RANBP2: variants seen among roughly 807,000 people sequenced by gnomAD.
The protein encoded by RANBP2 is E3 SUMO-protein ligase RanBP2.
Under a neutral mutation model 303.6 loss-of-function variants are expected in RANBP2, and 57 were observed. That is an observed-to-expected ratio of 0.19 (90% CI 0.15 to 0.23). RANBP2 has a LOEUF of 0.23. Among genes scored for constraint, RANBP2 ranks in the 10% least tolerant of loss-of-function variants. The probability of loss-of-function intolerance (pLI) is 1.00; values close to 1 mark genes in which losing one functional copy is unlikely to be tolerated. For missense variants in RANBP2, 3,138 were observed against 3,780.8 expected, an observed-to-expected ratio of 0.83 and a Z score of 4.46; for synonymous variants, 1,167 against 1,301.5, an observed-to-expected ratio of 0.90 and a Z score of 2.23.
the RANBP2 span, among the ~76,000 whole-genome samples, chr2:109,609,504 G>T: frequency 6.6e-6 from 1 of 151,890 alleles, no homozygotes; most frequent in East Asian, 1.9e-4. Flanking sequence ...GCTGCCAGGG[G>T]CTGGGGTTCT....
the RANBP2 span, among the ~76,000 whole-genome samples, chr2:109,548,170 C>T: frequency 8.5e-6 from 1 of 117,476 alleles, no homozygotes; most frequent in Non-Finnish European, 1.7e-5. Context: ...TTAATTGTGG[C>T]TTACCTCAAA....
chr2:109,166,523 C>T, the RANBP2 span, among the ~76,000 whole-genome samples: 2 of 150,886 alleles, frequency 1.3e-5, no homozygotes, highest in East Asian at 2.0e-4. Flanking sequence ...GGTAGTGTTA[C>T]AGCTCTCTCT....
the RANBP2 span, among the ~76,000 whole-genome samples, chr2:109,154,306 T>C: frequency 6.6e-6 from 1 of 152,130 alleles, no homozygotes; most frequent in African/African-American, 2.4e-5. Flanking sequence ...AGCCCCTGTT[T>C]CCCAGCTTGG....
At chr2:109,553,282 C>T in the RANBP2 span, 177 of 1,564,310 alleles carry the variant, frequency 1.1e-4, no homozygotes, top group African/African-American at 1.7e-3. Flanking sequence ...TGGCGGCTCA[C>T]GCCTGTAATC....
the RANBP2 span, among the ~76,000 whole-genome samples, chr2:109,033,096 C>G: frequency 6.6e-6 from 1 of 152,174 alleles, no homozygotes; most frequent in East Asian, 1.9e-4. Context: ...CTTGAGTGGA[C>G]AGAGACCTTT....
the RANBP2 span, among the ~76,000 whole-genome samples, chr2:109,694,115 A>G: frequency 1.3e-5 from 2 of 152,072 alleles, no homozygotes; most frequent in African/African-American, 4.8e-5. Flanking sequence ...GTAATCCCCA[A>G]TGTTGGAGGT....
chr2:108,915,620 C>G, the RANBP2 span, among the ~76,000 whole-genome samples: 143 of 152,140 alleles, frequency 9.4e-4, 2 homozygotes, highest in South Asian at 1.0e-2. Context: ...AAAGAGCTGC[C>G]CAGGCACGGT....
the RANBP2 span, among the ~76,000 whole-genome samples, chr2:109,031,835 T>C: frequency 6.6e-6 from 1 of 152,176 alleles, no homozygotes; most frequent in Non-Finnish European, 1.5e-5. Flanking sequence ...AAGTATTTTC[T>C]TCAGCAACTA....
chr2:109,543,830 A>G, the RANBP2 span: 13,477 of 254,422 alleles, frequency 0.053, 1,006 homozygotes, highest in East Asian at 0.22. Context: ...CCAAAATGCT[A>G]GGGACCAGAA....
chr2:109,386,608 T>G, the RANBP2 span, among the ~76,000 whole-genome samples: 1 of 152,158 alleles, frequency 6.6e-6, no homozygotes, highest in Non-Finnish European at 1.5e-5. Flanking sequence ...CCCTTCTGTT[T>G]GGGCCCGGCT....
At chr2:108,843,455 GC>G in the RANBP2 span, among the ~76,000 whole-genome samples, 1 of 152,218 alleles carries the variant, frequency 6.6e-6, no homozygotes, top group South Asian at 2.1e-4. Flanking sequence ...ACCGCACCTG[GC>G]CTAGAGTAGG....
At chr2:109,645,537 T>C in the RANBP2 span, among the ~76,000 whole-genome samples, 1 of 152,180 alleles carries the variant, frequency 6.6e-6, no homozygotes, top group Non-Finnish European at 1.5e-5. Context: ...GGAGATGTGC[T>C]AAACAAACCA....
At chr2:109,075,207 G>A in the RANBP2 span, among the ~76,000 whole-genome samples, 11 of 149,786 alleles carry the variant, frequency 7.3e-5, 1 homozygote, top group East Asian at 1.9e-4. Context: ...GAAAAACCCC[G>A]CAAAATCAGA....
the RANBP2 span, among the ~76,000 whole-genome samples, chr2:108,830,561 C>G: frequency 1.9e-4 from 29 of 151,960 alleles, no homozygotes; most frequent in Non-Finnish European, 4.0e-4. Context: ...AATCCCAGCA[C>G]TTTGGGAGGC....
the RANBP2 span, among the ~76,000 whole-genome samples, chr2:109,323,988 T>C: frequency 1.3e-5 from 2 of 152,206 alleles, no homozygotes; most frequent in African/African-American, 4.8e-5. Context: ...CCCCAGCCCC[T>C]GGAAAACACT....
chr2:109,320,779 C>T, the RANBP2 span, among the ~76,000 whole-genome samples: 22 of 152,168 alleles, frequency 1.4e-4, no homozygotes, highest in African/African-American at 4.6e-4. Context: ...AAATAAAACT[C>T]GAGGCACATT....
At chr2:109,634,076 C>T in the RANBP2 span, among the ~76,000 whole-genome samples, 110 of 135,416 alleles carry the variant, frequency 8.1e-4, no homozygotes, top group African/African-American at 2.5e-3. Flanking sequence ...GCCGAGGTCG[C>T]GCCACTGCAC....
the RANBP2 span, among the ~76,000 whole-genome samples, chr2:109,266,379 G>A: frequency 6.6e-6 from 1 of 152,068 alleles, no homozygotes; most frequent in Non-Finnish European, 1.5e-5. Flanking sequence ...TCTGACAAGA[G>A]GCTGCCCCAA....
At chr2:109,529,603 T>C in the RANBP2 span, among the ~76,000 whole-genome samples, 2 of 152,344 alleles carry the variant, frequency 1.3e-5, no homozygotes, top group South Asian at 2.1e-4. Flanking sequence ...TGGGTTTCAT[T>C]TGCTTTGCTT....
Sources: allele counts gnomAD v4.1 joint callset (sites outside exome capture counted in the v4.1 genomes callset), GRCh38; gene constraint gnomAD v4.1.1; transcripts MANE v1.5; gene names NCBI Gene and HGNC (gene_info 2026-07-23, HGNC 2026-07-21).